Variants in LRP1B observed in about 807,000 individuals in gnomAD.
LRP1B encodes low-density lipoprotein receptor-related protein 1B.
In LRP1B, 217 loss-of-function variants were observed where a neutral mutation model predicts 556.6. The ratio of observed to expected loss-of-function variants is 0.39; its 90% CI spans 0.35 to 0.44. The LOEUF is 0.44. Ranked by LOEUF, LRP1B falls within the 20% of genes least tolerant of loss-of-function variation. The pLI, the probability that LRP1B is intolerant of heterozygous loss-of-function variation, is 1.00. For synonymous variants in LRP1B, 2,047 were observed against 1,865.8 expected (o/e 1.10, Z -2.50); for missense variants, 5,053 against 5,620.8 (o/e 0.90, Z 3.23).
chr2:140,683,846 G>A (rs1416493689), intron 41 of LRP1B: 12 of 629,080 alleles, frequency 1.9e-5, no homozygotes, highest in East Asian at 1.4e-4. Flanking sequence ...AGCCGACCCC[G>A]AAACAGCTCC....
intron 66 of LRP1B, among the ~76,000 whole-genome samples, chr2:140,419,480 C>G (rs1165353176): frequency 6.6e-6 from 1 of 152,108 alleles, no homozygotes. Context: ...ATAGAACAGT[C>G]CACCCAAGAA....
At chr2:140,381,272 T>G (rs144026403) in intron 67 of LRP1B, among the ~76,000 whole-genome samples, 1 of 152,286 alleles carries the variant, frequency 6.6e-6, no homozygotes, top group East Asian at 1.9e-4. Context: ...ATGATACTAT[T>G]TTTCTTGTGA....
rs186016821 is a variant in LRP1B at position 142,072,421 on chromosome 2, A to G, written c.82+58227T>C. Among the ~76,000 whole-genome samples the G allele has an allele frequency of 6.7e-4, 102 of 152,050 alleles. 1 individual carries two copies. The highest frequency in any genetic ancestry group is 1.1e-3 in the Non-Finnish European group (78 of 67,932). ...TCTCTTAAAACTTATTTTCTCAAGG[A>G]CTAAGTCTAGTCAATTGCCAAACCA... On this transcript the variant is annotated intron_variant, in intron 1 of 90. Coordinates refer to ENST00000389484, the MANE Select transcript of LRP1B (RefSeq NM_018557.3).
intron 31 of LRP1B, among the ~76,000 whole-genome samples, chr2:140,824,294 T>G (rs60286804): frequency 0.039 from 5,956 of 152,116 alleles, 297 homozygotes; most frequent in East Asian, 0.17. Flanking sequence ...TTAATCTGGT[T>G]TAATCTATAT....
At chr2:141,628,081 G>T (rs572574488) in intron 2 of LRP1B, among the ~76,000 whole-genome samples, 11 of 152,200 alleles carry the variant, frequency 7.2e-5, no homozygotes, top group Admixed American at 6.5e-4. Flanking sequence ...GAGCAAACAG[G>T]GTCTCTGATC....
chr2:140,818,526 A>G (rs1691205848), intron 31 of LRP1B, among the ~76,000 whole-genome samples: 1 of 152,204 alleles, frequency 6.6e-6, no homozygotes, highest in African/African-American at 2.4e-5. Flanking sequence ...TTTTGGAAAC[A>G]TTAAAACTTT....
rs761933770 is a variant in LRP1B at position 140,504,343 on chromosome 2, C to T, written c.8522-1240G>A. Among the ~76,000 whole-genome samples the T allele has an allele frequency of 5.3e-5, 8 of 152,136 alleles. No individual in the cohort carries two copies. The South Asian group carries it at 1.0e-3, about 20-fold the overall frequency. On this transcript the variant is annotated intron_variant, in intron 53 of 90. Coordinates refer to ENST00000389484, the MANE Select transcript of LRP1B (RefSeq NM_018557.3). ...CTGACTTAATAATATTCACAGTCTACCTTCCTGGACTTCTTTCCAACTTTG... is the reference window on the plus strand; with the variant it reads ...CTGACTTAATAATATTCACAGTCTATCTTCCTGGACTTCTTTCCAACTTTG...
intron 41 of LRP1B, among the ~76,000 whole-genome samples, chr2:140,639,871 T>C (rs1684212271): frequency 6.6e-6 from 1 of 152,266 alleles, no homozygotes; most frequent in South Asian, 2.1e-4. Flanking sequence ...ACTGGCCCAC[T>C]TGCTTTTCCT....
chr2:141,043,432 T>G (rs896413500), intron 11 of LRP1B, among the ~76,000 whole-genome samples: 1 of 151,800 alleles, frequency 6.6e-6, no homozygotes, highest in Non-Finnish European at 1.5e-5. Flanking sequence ...CAACCCACAT[T>G]ATCCCTATAT....
chr2:140,693,289 T>G (rs1405442537), intron 41 of LRP1B, among the ~76,000 whole-genome samples: 1 of 152,228 alleles, frequency 6.6e-6, no homozygotes, highest in Non-Finnish European at 1.5e-5. Context: ...TATCAACATG[T>G]GCAGTTTCAT....
intron 3 of LRP1B, among the ~76,000 whole-genome samples, chr2:141,266,748 A>C (rs1684905507): frequency 6.6e-6 from 1 of 152,216 alleles, no homozygotes; most frequent in South Asian, 2.1e-4. Context: ...ATTTTATTGT[A>C]GATTTTATTA....
chr2:140,763,005 T>G (rs73961482), intron 35 of LRP1B, among the ~76,000 whole-genome samples: 6,048 of 152,206 alleles, frequency 0.04, 404 homozygotes, highest in African/African-American at 0.14. Flanking sequence ...TATCTAGGGT[T>G]GGGTTTCTGG....
Position 140,404,669 on chromosome 2 carries a change from T to A in LRP1B, c.10415-18660A>T, listed in dbSNP as rs552275868. Among the ~76,000 whole-genome samples the A allele has an allele frequency of 9.9e-5, 15 of 152,264 alleles. No individual in the cohort carries two copies. The South Asian group carries it at 3.1e-3, about 32-fold the overall frequency. On this transcript the variant is annotated intron_variant, in intron 66 of 90. Coordinates refer to ENST00000389484, the MANE Select transcript of LRP1B (RefSeq NM_018557.3). ...ATTTTTAAAAATCACTAAACAAGTA[T>A]CTGTTGTCTTCAAAAGACTCACCTA...
At chr2:141,077,994 A>T (rs1188636540) in intron 7 of LRP1B, among the ~76,000 whole-genome samples, 3 of 147,524 alleles carry the variant, frequency 2.0e-5, no homozygotes, top group Non-Finnish European at 4.5e-5. Context: ...TAACTATTGG[A>T]CCCAAATGAA....
At chr2:141,644,796 A>T (rs1689491227) in intron 2 of LRP1B, among the ~76,000 whole-genome samples, 1 of 151,304 alleles carries the variant, frequency 6.6e-6, no homozygotes, top group South Asian at 2.1e-4. Flanking sequence ...ACACACACAC[A>T]CACAGGAAAA....
rs144028057 is a variant in LRP1B, at chr2:140,664,806, A to G, written c.6799+35444T>C. Among the ~76,000 whole-genome samples, 98 of 152,204 alleles carry G rather than the reference A, an allele frequency of 6.4e-4. No homozygotes were observed. In the East Asian group the frequency reaches 0.016, roughly 25 times the overall value. ...TCTTTCCCTGATAATCCAATGTCAT[A>G]TTACTGTGTAGTGGCTTTAAACAAA... On this transcript the variant is annotated intron_variant, in intron 41 of 90. Coordinates refer to ENST00000389484, the MANE Select transcript of LRP1B (RefSeq NM_018557.3).
chr2:140,552,905 C>T (rs934842160), intron 43 of LRP1B, among the ~76,000 whole-genome samples: 6 of 152,026 alleles, frequency 3.9e-5, no homozygotes, highest in Non-Finnish European at 8.8e-5. Flanking sequence ...AATTCATAGT[C>T]GCTAGTCACA....
intron 1 of LRP1B, among the ~76,000 whole-genome samples, chr2:142,124,599 A>T (rs13382235): frequency 6.7e-6 from 1 of 149,442 alleles, no homozygotes; most frequent in Non-Finnish European, 1.5e-5. Context: ...AAAAAGAAAA[A>T]TAATAAATTT....
rs147500889 is a variant in LRP1B, at chr2:141,878,543, AAGAC to A, written c.83-68146_83-68143del. 6.9e-3 allele frequency among the ~76,000 whole-genome samples: 1,047 copies of A among 152,100 alleles called. 14 individuals carry two copies. Among genetic ancestry groups the A allele is most frequent in the African/African-American group, 0.023 (965 of 41,520 alleles). On this transcript the variant is annotated intron_variant, in intron 1 of 90. Transcript: ENST00000389484. ...GGAGAATAGAAGAAATAAAGGAAGA[AAGAC>A]AGAAAAGAGTTTAACCAGTTTGGTA...
Sources: allele counts gnomAD v4.1 joint callset (sites outside exome capture counted in the v4.1 genomes callset), GRCh38; gene constraint gnomAD v4.1.1; transcripts MANE v1.5; gene names NCBI Gene and HGNC (gene_info 2026-07-23, HGNC 2026-07-21).